The following LHFPL3 variants were observed in gnomAD, a reference collection of about 807,000 sequenced individuals.
LHFPL3 encodes LHFPL tetraspan subfamily member 3.
In LHFPL3, 5 loss-of-function variants were observed where a neutral mutation model predicts 19.3. The observed-to-expected ratio is 0.26, with a 90% CI of 0.14 to 0.54. LHFPL3 has a LOEUF of 0.54. Ranked by LOEUF, LHFPL3 falls within the 20% of genes least tolerant of loss-of-function variation. The probability of loss-of-function intolerance (pLI) is 0.94; values close to 1 mark genes in which losing one functional copy is unlikely to be tolerated. For missense variants in LHFPL3, 249 were observed against 307.4 expected (o/e 0.81, Z 1.42); for synonymous variants, 133 against 126.2 (o/e 1.05, Z -0.36).
chr7:104,707,782 G>A (rs980183540), intron 1 of LHFPL3, among the ~76,000 whole-genome samples: 2 of 152,154 alleles, frequency 1.3e-5, no homozygotes, highest in African/African-American at 2.4e-5. Flanking sequence ...GAACCATTAC[G>A]ATTCCCTATC....
intron 2 of LHFPL3, among the ~76,000 whole-genome samples, chr7:104,789,144 G>T (rs1468314139): frequency 6.6e-6 from 1 of 152,176 alleles, no homozygotes; most frequent in Non-Finnish European, 1.5e-5. Flanking sequence ...GAGAAGTGTG[G>T]AATTCACAGC....
At chr7:104,861,531 C>CG (rs1242952772) in intron 2 of LHFPL3, among the ~76,000 whole-genome samples, 1 of 151,950 alleles carries the variant, frequency 6.6e-6, no homozygotes, top group African/African-American at 2.4e-5. Flanking sequence ...CAGGGCCTCC[C>CG]GGGTTAGCAA....
chr7:104,885,112 C>T (rs1003836116), intron 2 of LHFPL3, among the ~76,000 whole-genome samples: 3 of 152,194 alleles, frequency 2.0e-5, no homozygotes, highest in Admixed American at 6.5e-5. Context: ...GATCTTTCCA[C>T]TCTACCCCAG....
chr7:104,855,137 G>C (rs1318951894), intron 2 of LHFPL3, among the ~76,000 whole-genome samples: 7 of 152,154 alleles, frequency 4.6e-5, no homozygotes, highest in Non-Finnish European at 1.0e-4. Flanking sequence ...TGAATCTTAA[G>C]ACCGTTTCAA....
chr7:104,801,967 A>AT lies in LHFPL3; in HGVS notation c.682+65063dup, dbSNP rs549242916. On this transcript the variant is annotated intron_variant, in intron 2 of 2. Transcript: ENST00000424859. ...CTAAGTAGTAAACAAGAAAAATGCT[A>AT]TTTTTTTCACAATTTGTGCTGTAGT... Among the ~76,000 whole-genome samples, 85 of 152,194 alleles carry AT rather than the reference A, an allele frequency of 5.6e-4. 1 individual carries two copies. In the East Asian group the frequency reaches 0.016, roughly 29 times the overall value.
At chr7:104,560,358 T>G (rs1340228554) in intron 1 of LHFPL3, among the ~76,000 whole-genome samples, 117 of 124,920 alleles carry the variant, frequency 9.4e-4, no homozygotes, top group African/African-American at 1.4e-3. Context: ...CAATTTCAGA[T>G]CCTGTTATTG....
At chr7:104,579,917 G>A (rs1312037187) in intron 1 of LHFPL3, among the ~76,000 whole-genome samples, 1 of 152,166 alleles carries the variant, frequency 6.6e-6, no homozygotes, top group African/African-American at 2.4e-5. Flanking sequence ...AGCTCTTGGA[G>A]GTTGAGGCTT....
intron 2 of LHFPL3, among the ~76,000 whole-genome samples, chr7:104,883,892 C>CTT (rs1792099013): frequency 6.6e-6 from 1 of 152,174 alleles, no homozygotes; most frequent in Admixed American, 6.5e-5. Context: ...GCGTGGGCCT[C>CTT]TGAGCCATTG....
chr7:104,863,712 G>C (rs1337204238), intron 2 of LHFPL3, among the ~76,000 whole-genome samples: 1 of 152,220 alleles, frequency 6.6e-6, no homozygotes, highest in African/African-American at 2.4e-5. Flanking sequence ...AGAGACATCA[G>C]GTAACTGACT....
At chr7:104,439,794 TGTC>T (rs1792180966) in intron 1 of LHFPL3, among the ~76,000 whole-genome samples, 1 of 152,074 alleles carries the variant, frequency 6.6e-6, no homozygotes, top group Non-Finnish European at 1.5e-5. Context: ...AAAACAAGGA[TGTC>T]TACTTTTACC....
At chr7:104,333,521 G>T (rs947591481) in intron 1 of LHFPL3, among the ~76,000 whole-genome samples, 3 of 152,188 alleles carry the variant, frequency 2.0e-5, no homozygotes, top group African/African-American at 7.2e-5. Context: ...CACCAAGATG[G>T]CAAGGCTTTA....
At chr7:104,640,498 C>T (rs1791812308) in intron 1 of LHFPL3, among the ~76,000 whole-genome samples, 1 of 152,156 alleles carries the variant, frequency 6.6e-6, no homozygotes, top group East Asian at 1.9e-4. Context: ...ATATGTGTCA[C>T]ATTTGCTTTA....
At chr7:104,580,712 C>T (rs1022877337) in intron 1 of LHFPL3, among the ~76,000 whole-genome samples, 3 of 152,036 alleles carry the variant, frequency 2.0e-5, no homozygotes, top group African/African-American at 7.2e-5. Context: ...TCAATCTCCA[C>T]CCCTACCCTC....
intron 2 of LHFPL3, among the ~76,000 whole-genome samples, chr7:104,791,552 T>C (rs1342874720): frequency 6.6e-6 from 1 of 152,170 alleles, no homozygotes; most frequent in East Asian, 1.9e-4. Flanking sequence ...TTGGAAGCAA[T>C]GGATCTAGAA....
chr7:104,372,092 C>G (rs896491465), intron 1 of LHFPL3, among the ~76,000 whole-genome samples: 5 of 152,164 alleles, frequency 3.3e-5, no homozygotes, highest in African/African-American at 9.7e-5. Flanking sequence ...GTTACTGTTC[C>G]AAACAGTCAT....
intron 1 of LHFPL3, among the ~76,000 whole-genome samples, chr7:104,558,083 G>A (rs1478893719): frequency 4.7e-5 from 7 of 149,818 alleles, no homozygotes; most frequent in Admixed American, 1.3e-4. Flanking sequence ...TATCACTGTT[G>A]GACATTTGGG....
At chr7:104,439,322 C>T (rs533275552) in intron 1 of LHFPL3, among the ~76,000 whole-genome samples, 1 of 152,062 alleles carries the variant, frequency 6.6e-6, no homozygotes, top group African/African-American at 2.4e-5. Context: ...ACCCTGATAG[C>T]AAAACCAGGC....
intron 2 of LHFPL3, among the ~76,000 whole-genome samples, chr7:104,890,721 C>T (rs35988800): frequency 0.15 from 23,278 of 152,170 alleles, 4,015 homozygotes; most frequent in East Asian, 0.44. Context: ...GTGGATGACA[C>T]GCCAGGCTCA....
intron 1 of LHFPL3, among the ~76,000 whole-genome samples, chr7:104,614,483 C>T (rs149185957): frequency 0.014 from 2,124 of 152,236 alleles, 28 homozygotes; most frequent in South Asian, 0.025. Flanking sequence ...TAAACACACA[C>T]TGAGTATGTG....
Sources: gnomAD v4.1 joint callset for allele counts (sites outside exome capture counted in the v4.1 genomes callset) on GRCh38, gnomAD v4.1.1 for gene constraint, MANE v1.5 for transcripts, NCBI Gene and HGNC (gene_info 2026-07-23, HGNC 2026-07-21) for gene names.